MYOF: variants seen among roughly 807,000 people sequenced by gnomAD.
MYOF encodes fer-1-like 3, myoferlin.
A neutral mutation model predicts 284.2 loss-of-function variants in MYOF; 244 were observed. That is an observed-to-expected ratio of 0.86 (90% CI 0.77 to 0.95). MYOF has a LOEUF of 0.95. Ranked by LOEUF, MYOF falls within the 40% of genes least tolerant of loss-of-function variation. The pLI, the probability that MYOF is intolerant of heterozygous loss-of-function variation, is 0.00. For synonymous variants in MYOF, 904 were observed against 919.7 expected, an observed-to-expected ratio of 0.98 and a Z score of 0.31; for missense variants, 2,496 against 2,560.6, an observed-to-expected ratio of 0.97 and a Z score of 0.54.
intron 26 of MYOF, among the ~76,000 whole-genome samples, chr10:93,364,497 AAC>A (rs993190086): frequency 6.6e-6 from 1 of 152,176 alleles, no homozygotes; most frequent in African/African-American, 2.4e-5. Context: ...TATTTTTTAA[AAC>A]AGAGTGTAGA....
At chr10:93,326,250 C>T (rs1392930778) in intron 45 of MYOF, among the ~76,000 whole-genome samples, 1 of 152,202 alleles carries the variant, frequency 6.6e-6, no homozygotes, top group Middle Eastern at 3.2e-3. Context: ...GTGGCACGAG[C>T]TCATGGCCTG....
chr10:93,458,681 G>A (rs1245399765), intron 1 of MYOF, among the ~76,000 whole-genome samples: 1 of 152,188 alleles, frequency 6.6e-6, no homozygotes. Context: ...AGTAAGCCGA[G>A]ATCGTGTCAC....
At chr10:93,408,990 C>T (rs1847768961) in intron 6 of MYOF, 75 bp from the exon 7 acceptor site, 1 of 1,590,184 alleles carries the variant, frequency 6.3e-7, no homozygotes. Context: ...GGTGTTGCTT[C>T]ATTTCCTTCA....
At chr10:93,470,514 C>T (rs2057121291) in intron 1 of MYOF, among the ~76,000 whole-genome samples, 2 of 152,054 alleles carry the variant, frequency 1.3e-5, no homozygotes, top group Non-Finnish European at 2.9e-5. Flanking sequence ...CATTCTCCTG[C>T]CTCAGCCTCC....
chr10:93,393,114 A>G (rs1280622290), intron 16 of MYOF, among the ~76,000 whole-genome samples, 159 bp from the exon 17 acceptor site: 1 of 152,196 alleles, frequency 6.6e-6, no homozygotes, highest in Non-Finnish European at 1.5e-5. Context: ...TTTGTAATGT[A>G]TACAATTCTC....
Position 93,377,214 on chromosome 10 carries a change from A to T in MYOF, c.2108+109T>A, listed in dbSNP as rs539919680. On this transcript the variant is annotated intron_variant, in intron 22 of 53. Transcript: ENST00000359263. ...TTTTACGAAGTTTGAATAATTCAAA[A>T]TCACTTCTTAGACAAACACTAGAAA... 3.7e-5 allele frequency: 30 copies of T among 803,350 alleles called. 1 individual carries two copies. The South Asian group carries it at 5.2e-4, about 14-fold the overall frequency. 49.8% of individuals were successfully genotyped at this position (803,350 alleles called of 1,614,324 possible).
At chr10:93,356,498 C>T (rs1474417990) in intron 30 of MYOF, among the ~76,000 whole-genome samples, 177 bp downstream of exon 30, 3 of 152,080 alleles carry the variant, frequency 2.0e-5, no homozygotes, top group Middle Eastern at 3.4e-3. Context: ...ATGGTCTATT[C>T]GTTCTACACG....
chr10:93,407,616 T>C (rs1847673452), intron 7 of MYOF, among the ~76,000 whole-genome samples: 1 of 150,426 alleles, frequency 6.6e-6, no homozygotes, highest in Admixed American at 6.7e-5. Flanking sequence ...CGGGCGCCTG[T>C]AGTCCCAGCT....
chr10:93,420,757 C>T (rs1034074726), intron 5 of MYOF, among the ~76,000 whole-genome samples: 27 of 152,124 alleles, frequency 1.8e-4, no homozygotes, highest in Admixed American at 1.7e-3. Flanking sequence ...TTTCACTTTC[C>T]GTGTCATGTA....
chr10:93,315,966 GAAAAA>G (rs34283358), intron 50 of MYOF, among the ~76,000 whole-genome samples: 1 of 141,626 alleles, frequency 7.1e-6, no homozygotes, highest in African/African-American at 2.7e-5. Flanking sequence ...ACTAAAAAGT[GAAAAA>G]AAAAAAAAAT....
At chr10:93,423,301 C>G (rs892632932) in intron 5 of MYOF, among the ~76,000 whole-genome samples, 1 of 149,870 alleles carries the variant, frequency 6.7e-6, no homozygotes, top group Non-Finnish European at 1.5e-5. Flanking sequence ...CCAAGGCAAG[C>G]AGATCACTTG....
intron 35 of MYOF, among the ~76,000 whole-genome samples, chr10:93,350,425 G>C (rs1844451687): frequency 6.6e-6 from 1 of 152,008 alleles, no homozygotes; most frequent in African/African-American, 2.4e-5. Flanking sequence ...TGATTTTCAT[G>C]TCTCAGCTTC....
rs533995401 is a variant in MYOF, at chr10:93,315,045, T to C, written c.5698+1669A>G. 7.9e-5 allele frequency among the ~76,000 whole-genome samples: 12 copies of C among 152,198 alleles called. 1 individual carries two copies. The South Asian group carries it at 2.5e-3, about 32-fold the overall frequency. ...CAGCCTGGGTGAGAGAGTGAGACTC[T>C]GTCTCAACAAACAAAGCCAAGGGCA... On this transcript the variant is annotated intron_variant, in intron 50 of 53. Transcript: ENST00000359263.
At chr10:93,365,447 A>G (rs787641) in intron 26 of MYOF, among the ~76,000 whole-genome samples, 109,316 of 152,128 alleles carry the variant, frequency 0.72, 39,595 homozygotes, top group East Asian at 0.98. Flanking sequence ...CTTTTGAGAT[A>G]TAGTTCACAT....
chr10:93,407,521 G>A (rs1200870687), intron 7 of MYOF, among the ~76,000 whole-genome samples: 1 of 145,796 alleles, frequency 6.9e-6, no homozygotes, highest in Non-Finnish European at 1.5e-5. Flanking sequence ...ACGAGGTCAA[G>A]AGATCGAGAC....
rs1346431312 is a variant in MYOF at position 93,351,939 on chromosome 10, T to A, written c.3482-93A>T. On this transcript the variant is annotated intron_variant, in intron 32 of 53. Coordinates refer to ENST00000359263, the MANE Select transcript of MYOF (RefSeq NM_013451.4). ...CAACCATATTCTTTTCCTCTGGATA[T>A]AATGACAGTGGGCTCTGACCACCTG... 4.1e-6 allele frequency: 5 copies of A among 1,208,378 alleles called. No individual in the cohort carries two copies. The Admixed American group carries it at 1.3e-4, about 32-fold the overall frequency. 74.9% of individuals were successfully genotyped at this position (1,208,378 alleles called of 1,614,324 possible).
chr10:93,398,994 G>A (rs1349630962), intron 13 of MYOF, among the ~76,000 whole-genome samples: 1 of 148,392 alleles, frequency 6.7e-6, no homozygotes, highest in African/African-American at 2.5e-5. Context: ...GGGCATGGAA[G>A]GTGAGAAACA....
intron 2 of MYOF, 32 bp downstream of exon 2, chr10:93,456,850 T>A (rs201436914): frequency 1.3e-6 from 2 of 1,524,692 alleles, no homozygotes; most frequent in African/African-American, 2.8e-5. Context: ...AGCTTATCTA[T>A]TAAAACAAAG....
intron 5 of MYOF, among the ~76,000 whole-genome samples, chr10:93,410,662 G>T (rs551850356): frequency 6.6e-6 from 1 of 152,204 alleles, no homozygotes; most frequent in South Asian, 2.1e-4. Context: ...ACAAACTTTA[G>T]CTTTTCTTTT....
Sources: allele counts gnomAD v4.1 joint callset (sites outside exome capture counted in the v4.1 genomes callset), GRCh38; gene constraint gnomAD v4.1.1; transcripts MANE v1.5; gene names NCBI Gene and HGNC (gene_info 2026-07-23, HGNC 2026-07-21).